NBEA: variants seen among roughly 807,000 people sequenced by gnomAD.
The protein encoded by NBEA is lysosomal-trafficking regulator 2.
NBEA carries 44 observed loss-of-function variants against 343.4 expected under a neutral mutation model. That is an observed-to-expected ratio of 0.13 (90% confidence interval 0.10 to 0.16). The LOEUF (loss-of-function observed/expected upper bound fraction) is 0.16, where lower values mean the gene tolerates loss of function less well. Among genes scored for constraint, NBEA ranks in the 10% least tolerant of loss-of-function variants. The pLI, the probability that NBEA is intolerant of heterozygous loss-of-function variation, is 1.00. For missense variants in NBEA, 2,555 were observed against 3,631.3 expected (o/e 0.70, Z 7.62); for synonymous variants, 1,175 against 1,238.7 (o/e 0.95, Z 1.08).
At position 35,208,703 on chromosome 13, in the gene NBEA, T is replaced by C; in HGVS notation, c.5370T>C (p.Ser1790=). The C allele has an allele frequency of 6.4e-7, 1 of 1,568,470 alleles. No individual in the cohort carries two copies. The highest frequency in any genetic ancestry group is 8.7e-7 in the Non-Finnish European group (1 of 1,153,862). ...TCAATCCTTCATTTCTTTGCAGGAG[T>C]GTTGTGGTGCCTGTAAAGAAACCAC... ...LPMQFHSFDR[S]VVVPVKKPPP... is the part of the protein sequence containing the mutation. The change falls in exon 32 of 59, where the codon AGT becomes AGC. Residue 1790 remains serine (S), a synonymous_variant. Coordinates refer to ENST00000379939, the MANE Select transcript of NBEA (RefSeq NM_001385012.1).
At chr13:35,276,107 C>T (rs1424579219) in intron 34 of NBEA, among the ~76,000 whole-genome samples, 2 of 152,136 alleles carry the variant, frequency 1.3e-5, no homozygotes, top group Non-Finnish European at 2.9e-5. Context: ...TATAAGATGA[C>T]TTTATCCCTT....
At chr13:35,277,981 G>T (rs2034747278) in intron 34 of NBEA, among the ~76,000 whole-genome samples, 1 of 151,470 alleles carries the variant, frequency 6.6e-6, no homozygotes, top group African/African-American at 2.4e-5. Flanking sequence ...GAGCTACTTG[G>T]GAGGCTGAGG....
intron 34 of NBEA, among the ~76,000 whole-genome samples, chr13:35,264,402 A>G (rs1011176072): frequency 4.6e-5 from 7 of 151,958 alleles, no homozygotes; most frequent in African/African-American, 1.7e-4. Context: ...CACATATTAC[A>G]AACCCAGCAT....
intron 38 of NBEA, among the ~76,000 whole-genome samples, chr13:35,380,228 TG>T (rs58884109): frequency 0.7 from 105,564 of 151,648 alleles, 39,040 homozygotes; most frequent in Non-Finnish European, 0.81. Flanking sequence ...GTGAATCACC[TG>T]AGGTCAGGAG....
At chr13:34,956,394 T>C (rs1181559155) in intron 1 of NBEA, among the ~76,000 whole-genome samples, 1 of 151,674 alleles carries the variant, frequency 6.6e-6, no homozygotes, top group Non-Finnish European at 1.5e-5. Flanking sequence ...AAGTTGTTTT[T>C]TTTTTTTTTT....
chr13:35,529,783 G>A (rs7338107), intron 41 of NBEA, among the ~76,000 whole-genome samples: 2,158 of 152,184 alleles, frequency 0.014, 39 homozygotes, highest in African/African-American at 0.049. Flanking sequence ...ATTTATAATG[G>A]TACATTTTTC....
chr13:35,246,597 G>A (rs2031233446), intron 34 of NBEA, among the ~76,000 whole-genome samples: 1 of 152,132 alleles, frequency 6.6e-6, no homozygotes, highest in South Asian at 2.1e-4. Flanking sequence ...GCTCCAGGCT[G>A]GTACTGAGGT....
chr13:35,079,401 A>G (rs910206036), intron 10 of NBEA, among the ~76,000 whole-genome samples: 1 of 152,210 alleles, frequency 6.6e-6, no homozygotes, highest in African/African-American at 2.4e-5. Context: ...AACTGTTAAT[A>G]TAAAGTAACA....
intron 38 of NBEA, among the ~76,000 whole-genome samples, chr13:35,367,276 A>C (rs898615621): frequency 6.6e-6 from 1 of 151,370 alleles, no homozygotes; most frequent in Non-Finnish European, 1.5e-5. Context: ...CAATATTACT[A>C]TGATGTATAA....
intron 53 of NBEA, 112 bp downstream of exon 53, chr13:35,651,988 T>A: frequency 1.5e-6 from 1 of 680,286 alleles, no homozygotes; most frequent in South Asian, 2.0e-5. Context: ...ATTAAAATGC[T>A]AATAATATCA....
intron 1 of NBEA, among the ~76,000 whole-genome samples, chr13:35,007,644 A>G (rs1337353748): frequency 6.6e-6 from 1 of 151,918 alleles, no homozygotes; most frequent in Non-Finnish European, 1.5e-5. Context: ...GGTGCATGCT[A>G]CTGTGCCACA....
chr13:35,360,823 G>T (rs1371524149), intron 38 of NBEA, among the ~76,000 whole-genome samples: 1 of 151,822 alleles, frequency 6.6e-6, no homozygotes, highest in South Asian at 2.1e-4. Context: ...CAGATTGAGG[G>T]AAAAATTAAC....
intron 36 of NBEA, among the ~76,000 whole-genome samples, chr13:35,345,453 T>G (rs1284293356): frequency 6.6e-6 from 1 of 152,020 alleles, no homozygotes; most frequent in Non-Finnish European, 1.5e-5. Context: ...TACTATTATT[T>G]TTAAGTGAGT....
At chr13:35,034,032 C>T (rs1228998095) in intron 1 of NBEA, among the ~76,000 whole-genome samples, 1 of 151,732 alleles carries the variant, frequency 6.6e-6, no homozygotes, top group African/African-American at 2.4e-5. Flanking sequence ...CTGGGACTTC[C>T]AGGACTATGT....
At chr13:35,559,959 CT>C (rs1233248626) in intron 44 of NBEA, among the ~76,000 whole-genome samples, 1 of 149,090 alleles carries the variant, frequency 6.7e-6, no homozygotes, top group Non-Finnish European at 1.5e-5. Context: ...AGAAACATTT[CT>C]TTGTTAATAA....
At chr13:35,045,239 A>G in intron 3 of NBEA, 67 bp from the exon 4 acceptor site, 1 of 1,342,940 alleles carries the variant, frequency 7.4e-7, no homozygotes. Flanking sequence ...CCAATGGGTA[A>G]CATGGTATAT....
chr13:35,114,723 A>C (rs2066409275), intron 13 of NBEA, among the ~76,000 whole-genome samples: 1 of 152,148 alleles, frequency 6.6e-6, no homozygotes. Flanking sequence ...ATATATTTTA[A>C]ATGAAAATGA....
chr13:35,483,718 G>A (rs868309781), intron 41 of NBEA, among the ~76,000 whole-genome samples: 4 of 151,978 alleles, frequency 2.6e-5, no homozygotes, highest in South Asian at 4.2e-4. Flanking sequence ...TTATTTTGCA[G>A]TTACAATAGA....
At chr13:35,385,321 G>A (rs933122902) in intron 38 of NBEA, among the ~76,000 whole-genome samples, 4 of 151,866 alleles carry the variant, frequency 2.6e-5, no homozygotes, top group African/African-American at 9.7e-5. Flanking sequence ...TTCTTTTTAA[G>A]CATTTTGCTT....
Sources: gnomAD v4.1 joint callset for allele counts (sites outside exome capture counted in the v4.1 genomes callset) on GRCh38, gnomAD v4.1.1 for gene constraint, MANE v1.5 for transcripts, NCBI Gene and HGNC (gene_info 2026-07-23, HGNC 2026-07-21) for gene names.